TCF7: variants seen among roughly 807,000 people sequenced by gnomAD.
TCF7 encodes T-cell-factor-7.
A neutral mutation model predicts 46.8 loss-of-function variants in TCF7; 19 were observed. That is an observed-to-expected ratio of 0.41 (90% CI 0.28 to 0.60). The LOEUF is 0.60. Ranked by LOEUF, TCF7 falls within the 20% of genes least tolerant of loss-of-function variation. The probability of loss-of-function intolerance (pLI) is 0.35; values close to 1 mark genes in which losing one functional copy is unlikely to be tolerated. For missense variants in TCF7, 547 were observed against 504.6 expected (o/e 1.08, Z -0.81); for synonymous variants, 245 against 213.4 (o/e 1.15, Z -1.29).
At position 134,138,106 on chromosome 5, in the gene TCF7, C is replaced by T. The variant is rs765049839; in HGVS notation, c.489C>T (p.Tyr163=). 2.7e-5 allele frequency: 43 copies of T among 1,612,950 alleles called. No individual in the cohort carries two copies. Among genetic ancestry groups the T allele is most frequent in the South Asian group, 2.1e-4 (19 of 90,930 alleles). ...ACGGTGTCCCCCAACTCTCTCTCTA[C>T]GAACATTTCAACAGCCCACATCCCA... ...PPHGVPQLSL[Y]EHFNSPHPTP... The change falls in exon 4 of 10, where the codon TAC becomes TAT. Residue 163 remains tyrosine, a synonymous_variant. Transcript: ENST00000342854.
chr5:134,108,463 C>T, the TCF7 span, among the ~76,000 whole-genome samples: 1 of 152,140 alleles, frequency 6.6e-6, no homozygotes, highest in Admixed American at 6.5e-5. Flanking sequence ...TGGTACAGGT[C>T]CTCTTCAAAT....
In TCF7 at chr5:134,142,293, C is replaced by G. The variant is rs781555508; in HGVS notation, c.744C>G (p.Phe248Leu). The G allele has an allele frequency of 1.3e-6, 2 of 1,587,538 alleles. No homozygotes were observed. ...PPSGKQELQPFDRNLKTQAES... is the reference protein window; with the variant it reads ...PPSGKQELQPLDRNLKTQAES... ...CAGGGAAGCAGGAGCTGCAGCCCTT[C>G]GACCGCAACCTGTGAGTGAAAAGAC... Residue 248 changes from phenylalanine to leucine, a missense_variant, in exon 6 of 10, where the codon TTC becomes TTG. This residue lies in a region of TCF7 where 425 missense variants were observed against 349.9 expected (regional missense o/e 1.21). Transcript: ENST00000342854.
chr5:134,120,237 A>G (rs1378872677), intron 3 of TCF7, among the ~76,000 whole-genome samples: 1 of 152,158 alleles, frequency 6.6e-6, no homozygotes, highest in Non-Finnish European at 1.5e-5. Context: ...AGCCCCAGTC[A>G]TCGCCATCTC....
chr5:134,146,178 A>G (rs1184904672), intron 9 of TCF7, 46 bp from the exon 10 acceptor site: 4 of 1,613,922 alleles, frequency 2.5e-6, no homozygotes, highest in South Asian at 2.2e-5. Flanking sequence ...GTGTATGACT[A>G]TGAATTCACC....
At chr5:134,124,254 C>T (rs1227276715) in intron 3 of TCF7, among the ~76,000 whole-genome samples, 3 of 152,178 alleles carry the variant, frequency 2.0e-5, no homozygotes, top group Admixed American at 6.5e-5. Context: ...TGTCCTGTTT[C>T]GCAGACCTGT....
At chr5:134,143,824 T>C (rs1760264358) in intron 9 of TCF7, 184 bp downstream of exon 9, 1 of 645,508 alleles carries the variant, frequency 1.5e-6, no homozygotes, top group Admixed American at 2.9e-5. Flanking sequence ...TATATTATAC[T>C]AAGTCCCAGG....
chr5:134,125,775 T>C (rs1435470863), intron 3 of TCF7, among the ~76,000 whole-genome samples: 1 of 152,182 alleles, frequency 6.6e-6, no homozygotes, highest in Non-Finnish European at 1.5e-5. Context: ...ACTGCCAACA[T>C]GTTTGTGAGA....
chr5:134,124,116 G>A (rs1330276986), intron 3 of TCF7, among the ~76,000 whole-genome samples: 1 of 152,166 alleles, frequency 6.6e-6, no homozygotes, highest in Non-Finnish European at 1.5e-5. Flanking sequence ...CAGCCAGGGT[G>A]TGGAGAGCAT....
At chr5:134,137,067 T>A (rs1321545335) in intron 3 of TCF7, among the ~76,000 whole-genome samples, 2 of 152,194 alleles carry the variant, frequency 1.3e-5, no homozygotes, top group Admixed American at 6.5e-5. Flanking sequence ...CAGGTCTTCC[T>A]GGGGAGCCCC....
upstream of TCF7, among the ~76,000 whole-genome samples, chr5:134,111,365 A>G (rs1561638235): frequency 6.6e-6 from 1 of 152,190 alleles, no homozygotes; most frequent in Non-Finnish European, 1.5e-5. Context: ...TGAATCCAGA[A>G]GACTCTGGGG....
intron 9 of TCF7, 99 bp from the exon 10 acceptor site, chr5:134,146,125 G>A (rs1760666886): frequency 1.2e-6 from 2 of 1,609,578 alleles, no homozygotes; most frequent in African/African-American, 1.3e-5. Flanking sequence ...GAGAGGACAA[G>A]GAATCAGCCA....
rs1209666496 is a variant in TCF7 at position 134,146,618 on chromosome 5, A to T, written c.*315A>T. The T allele has an allele frequency of 1.5e-6, 1 of 681,116 alleles. No homozygotes were observed. The highest frequency in any genetic ancestry group is 2.7e-6 in the Non-Finnish European group (1 of 376,786). The allele number at this position is 681,116 out of a possible 1,614,324, so 42.2% of individuals were successfully genotyped here. ...ACTGGCCAGGGGTCCTGTTAACGTC[A>T]TCTCAGGGTCCAGACCCTGAAGATT... On this transcript the variant is annotated 3_prime_UTR_variant, in exon 10 of 10. Coordinates refer to ENST00000342854, the MANE Select transcript of TCF7 (RefSeq NM_003202.5).
At chr5:134,133,802 G>GT (rs1561676549) in intron 3 of TCF7, among the ~76,000 whole-genome samples, 1 of 152,132 alleles carries the variant, frequency 6.6e-6, no homozygotes, top group Non-Finnish European at 1.5e-5. Context: ...TGTTTAGTGC[G>GT]TTTTTTCCCA....
rs1473603743 is a variant in TCF7 at position 134,138,110 on chromosome 5, C to T, written c.493C>T (p.His165Tyr). Reference protein sequence around the residue: ...HGVPQLSLYEHFNSPHPTPAP... With the variant: ...HGVPQLSLYEYFNSPHPTPAP... ...TGTCCCCCAACTCTCTCTCTACGAA[C>T]ATTTCAACAGCCCACATCCCACCCC... The change falls in exon 4 of 10, where the codon CAT (histidine) becomes TAT (tyrosine). Residue 165 changes from histidine (H) to tyrosine (Y), a missense_variant. This residue lies in a region of TCF7 where 425 missense variants were observed against 349.9 expected (regional missense o/e 1.21). Coordinates refer to ENST00000342854, the MANE Select transcript of TCF7 (RefSeq NM_003202.5). The T allele has an allele frequency of 1.2e-6, 2 of 1,613,162 alleles. No homozygotes were observed. Among genetic ancestry groups the T allele is most frequent in the African/African-American group, 2.7e-5 (2 of 74,828 alleles).
Position 134,116,023 on chromosome 5 carries a change from AG to A in TCF7, c.432del (p.Gln144HisfsTer55). On this transcript the variant is annotated frameshift_variant, in exon 3 of 10. Coordinates refer to ENST00000342854, the MANE Select transcript of TCF7 (RefSeq NM_003202.5). LOFTEE classifies it high-confidence loss of function. ...GGAGCAGGGCAGCACCCCCAGCCGC[AG>A]CCCCCGCTGGTAAGTGGACCCCGCA... ...PSGAGQHPQP[Q>X]PPLHKANQPP... 1.2e-6 allele frequency: 2 copies of A among 1,612,320 alleles called. No homozygotes were observed. The highest frequency in any genetic ancestry group is 1.7e-6 in the Non-Finnish European group (2 of 1,179,444).
chr5:134,126,295 T>C (rs1299872269), intron 3 of TCF7, among the ~76,000 whole-genome samples: 3 of 152,044 alleles, frequency 2.0e-5, no homozygotes, highest in Non-Finnish European at 4.4e-5. Context: ...TTTGAGGCAG[T>C]GGGCATCCCC....
chr5:134,131,539 GCCCTCTGCT>G, intron 3 of TCF7, among the ~76,000 whole-genome samples: 1 of 152,312 alleles, frequency 6.6e-6, no homozygotes, highest in East Asian at 1.9e-4. Flanking sequence ...TTCAGGAGCA[GCCCTCTGCT>G]TGAGGGACCT....
chr5:134,119,527 CT>C (rs1756289430), intron 3 of TCF7, among the ~76,000 whole-genome samples: 1 of 152,192 alleles, frequency 6.6e-6, no homozygotes, highest in Admixed American at 6.5e-5. Context: ...AGGCTGAGGC[CT>C]TTGGCTGTTG....
Position 134,143,815 on chromosome 5 carries a change from A to G in TCF7, c.1075+175A>G, listed in dbSNP as rs1760263253. 7.4e-6 allele frequency: 5 copies of G among 673,994 alleles called. No homozygotes were observed. The South Asian group carries it at 7.6e-5, about 10-fold the overall frequency. The allele number at this position is 673,994 out of a possible 1,614,324, so 41.8% of individuals were successfully genotyped here. ...TCAAATTCCCATGCAAGAAACAGCT[A>G]TATTATACTAAGTCCCAGGGAAACC... On this transcript the variant is annotated intron_variant, in intron 9 of 9. Transcript: ENST00000342854.
Sources: allele counts gnomAD v4.1 joint callset (sites outside exome capture counted in the v4.1 genomes callset), GRCh38; gene constraint gnomAD v4.1.1; regional missense constraint gnomAD v4.1.1; transcripts MANE v1.5; gene names NCBI Gene and HGNC (gene_info 2026-07-23, HGNC 2026-07-21).